The following MCFD2 variants were observed in gnomAD, a reference collection of about 807,000 sequenced individuals.
The protein encoded by MCFD2 is multiple coagulation factor deficiency protein 2.
Under a neutral mutation model 12.8 loss-of-function variants are expected in MCFD2, and 11 were observed. The observed-to-expected ratio is 0.86, with a 90% confidence interval of 0.54 to 1.42. The LOEUF is 1.42. MCFD2 is among the 40% of genes most tolerant of loss of function. The pLI is 0.00. For missense variants in MCFD2, 191 were observed against 178.6 expected (o/e 1.07, Z -0.40); for synonymous variants, 70 against 68.1 (o/e 1.03, Z -0.14).
At chr2:46,924,534 A>G (rs72886664) in intron 1 of MCFD2, among the ~76,000 whole-genome samples, 4,195 of 152,312 alleles carry the variant, frequency 0.028, 112 homozygotes, top group African/African-American at 0.067. Context: ...AGTGTTTTGA[A>G]TAGAATATGA....
chr2:46,911,937 A>G (rs947408143), intron 1 of MCFD2, among the ~76,000 whole-genome samples: 5 of 152,280 alleles, frequency 3.3e-5, no homozygotes, highest in African/African-American at 1.2e-4. Context: ...TTTTGTCCCA[A>G]TACTATATGG....
Position 46,941,485 on chromosome 2 carries a change from C to G in MCFD2, c.-8+87G>C, listed in dbSNP as rs1406145118. ...CGAGTGCGCCCCAGCCAGGACGCCG[C>G]CCCCGGCCGGGTCTCCACTTCTTGG... On this transcript the variant is annotated intron_variant, in intron 1 of 2. Coordinates refer to the MCFD2 transcript ENST00000409147. This position sits in a 1 kb window ranked among gnomAD's most constrained non-coding sequence, Gnocchi z 4.2. 6.6e-7 allele frequency: 1 copy of G among 1,521,090 alleles called. No homozygotes were observed. The highest frequency in any genetic ancestry group is 8.8e-7 in the Non-Finnish European group (1 of 1,132,412). 94.2% of individuals were successfully genotyped at this position (1,521,090 alleles called of 1,614,324 possible). A position where few individuals can be genotyped will look rare whatever the true frequency, so the allele number is the denominator to read the frequency against.
chr2:46,933,969 T>C (rs62140552), intron 1 of MCFD2, among the ~76,000 whole-genome samples: 165 of 152,286 alleles, frequency 1.1e-3, no homozygotes, highest in Non-Finnish European at 1.8e-3. Context: ...GGCTTGGTGC[T>C]CTACTTCTGA....
rs375829982 is a variant in MCFD2, at chr2:46,937,699, A to G, written c.-8+3873T>C. Reference sequence around the variant, plus strand: ...GTGATTCTCCCACCTCCTTCTCCCAAAGTGTTAGGATTATAGGCACGAGCT... The same window carrying G: ...GTGATTCTCCCACCTCCTTCTCCCAGAGTGTTAGGATTATAGGCACGAGCT... On this transcript the variant is annotated intron_variant, in intron 1 of 2. Transcript: ENST00000409147. This position sits in a 1 kb window ranked among gnomAD's most constrained non-coding sequence, Gnocchi z 4.0. Among the ~76,000 whole-genome samples the G allele has an allele frequency of 3.3e-5, 5 of 152,242 alleles. No individual in the cohort carries two copies. The highest frequency in any genetic ancestry group is 2.4e-5 in the African/African-American group (1 of 41,534).
Position 46,912,891 on chromosome 2 carries a change from A to G in MCFD2, c.-7+2832T>C, listed in dbSNP as rs139157870. Among the ~76,000 whole-genome samples the G allele has an allele frequency of 3.3e-3, 504 of 152,250 alleles. 4 individuals are homozygous for G. The highest frequency in any genetic ancestry group is 0.011 in the African/African-American group (476 of 41,540). On this transcript the variant is annotated intron_variant, in intron 1 of 3. Transcript: ENST00000319466. ...TACCACCTTTGCAGATATGCTGCCA[A>G]TTTTTAATGTCACTGTAACTGAAGA... is the stretch of plus-strand genomic sequence containing the variant.
Position 46,926,421 on chromosome 2 carries a change from C to T in MCFD2, c.-8+15151G>A, listed in dbSNP as rs544983367. 1.8e-4 allele frequency among the ~76,000 whole-genome samples: 27 copies of T among 152,190 alleles called. No individual in the cohort carries two copies. The South Asian group carries it at 5.2e-3, about 29-fold the overall frequency. ...GGTAAATGCTTGTTAGAGCCCAGGT[C>T]GCCATGGGAGCACACAGTGGGGGCA... is the stretch of plus-strand genomic sequence containing the variant. On this transcript the variant is annotated intron_variant, in intron 1 of 2. Coordinates refer to the MCFD2 transcript ENST00000409147.
At position 46,937,926 on chromosome 2, in the gene MCFD2, A is replaced by G. The variant is rs933268103; in HGVS notation, c.-8+3646T>C. 6.6e-6 allele frequency among the ~76,000 whole-genome samples: 1 copy of G among 152,166 alleles called. No homozygotes were observed. Among genetic ancestry groups the G allele is most frequent in the African/African-American group, 2.4e-5 (1 of 41,424 alleles). ...CATGGACTGAAGAAAACTACTGTGT[A>G]TATATATGTAAAAGAGAGAAGTCTG... On this transcript the variant is annotated intron_variant, in intron 1 of 2. Coordinates refer to the MCFD2 transcript ENST00000409147. This position sits in a 1 kb window ranked among gnomAD's most constrained non-coding sequence, Gnocchi z 4.0.
At chr2:46,917,172 CT>C, upstream of MCFD2, 1 of 696,520 alleles carries the variant, frequency 1.4e-6, no homozygotes, top group Middle Eastern at 2.7e-4. Context: ...ATTTTTTTTT[CT>C]TTTTTTAAAG....
rs891834531 is a variant in MCFD2 at position 46,908,658 on chromosome 2, A to T, written c.149+365T>A. 1 of 336,610 alleles carries T rather than the reference A, an allele frequency of 3.0e-6. No homozygotes were observed. The highest frequency in any genetic ancestry group is 5.7e-6 in the Non-Finnish European group (1 of 175,704). 20.9% of individuals were successfully genotyped at this position (336,610 alleles called of 1,614,324 possible). On this transcript the variant is annotated intron_variant, in intron 2 of 3. Transcript: ENST00000319466. This position sits in a 1 kb window ranked among gnomAD's most constrained non-coding sequence, Gnocchi z 4.5. ...ATTCAATGTTTGAATGTGTTGATTTAAAAAAGGTCTTGTTATAGTCAAGAA... is the reference window on the plus strand; with the variant it reads ...ATTCAATGTTTGAATGTGTTGATTTTAAAAAGGTCTTGTTATAGTCAAGAA...
intron 1 of MCFD2, among the ~76,000 whole-genome samples, chr2:46,928,374 G>C (rs1669510288): frequency 6.8e-6 from 1 of 147,530 alleles, no homozygotes; most frequent in Non-Finnish European, 1.5e-5. Flanking sequence ...AGTATCACAA[G>C]ACTGAAATCA....
At chr2:46,925,475 T>C (rs1418175446) in intron 1 of MCFD2, among the ~76,000 whole-genome samples, 1 of 152,108 alleles carries the variant, frequency 6.6e-6, no homozygotes, top group Non-Finnish European at 1.5e-5. Context: ...GGAGAATCTA[T>C]TGAACCTGGG....
intron 1 of MCFD2, among the ~76,000 whole-genome samples, chr2:46,924,594 A>C (rs1409222615): frequency 6.6e-6 from 1 of 152,214 alleles, no homozygotes; most frequent in Non-Finnish European, 1.5e-5. Flanking sequence ...TGTGATATTC[A>C]TAAGAGTACC....
chr2:46,917,192 C>T, upstream of MCFD2: 1 of 701,564 alleles, frequency 1.4e-6, no homozygotes, highest in South Asian at 1.5e-5. Flanking sequence ...AGAAAAGAGT[C>T]TCCATGGTGC....
At position 46,908,840 on chromosome 2, in the gene MCFD2, T is replaced by A; in HGVS notation, c.149+183A>T. ...GGGCCTAAAGATCTTCCACCTGTGATACAATGATGAAAAAAGAATACCTGA... is the reference window on the plus strand; with the variant it reads ...GGGCCTAAAGATCTTCCACCTGTGAAACAATGATGAAAAAAGAATACCTGA... On this transcript the variant is annotated intron_variant, in intron 2 of 3. Coordinates refer to ENST00000319466, the MANE Select transcript of MCFD2 (RefSeq NM_139279.6). The surrounding 1 kb of genome is among the most constrained non-coding windows in gnomAD (Gnocchi z 4.5). The A allele has an allele frequency of 1.3e-6, 1 of 774,260 alleles. No homozygotes were observed. The highest frequency in any genetic ancestry group is 2.1e-6 in the Non-Finnish European group (1 of 473,616). 48.0% of individuals were successfully genotyped at this position (774,260 alleles called of 1,614,324 possible).
intron 1 of MCFD2, among the ~76,000 whole-genome samples, chr2:46,928,938 G>A (rs1226976802): frequency 6.6e-5 from 10 of 152,080 alleles, no homozygotes. Context: ...TGAGGTGGGT[G>A]GATTACTTGA....
At chr2:46,905,695 TAAAAAAAA>T (rs59068176) in intron 3 of MCFD2, 101 bp from the exon 4 acceptor site, 20 of 509,006 alleles carry the variant, frequency 3.9e-5, no homozygotes, top group African/African-American at 2.8e-4. Context: ...CACTGTTTAT[TAAAAAAAA>T]AAAAAAAAAA....
chr2:46,941,841 G>C lies in MCFD2; in HGVS notation c.-277C>G, dbSNP rs1670432243. 1 of 1,368,354 alleles carries C rather than the reference G, an allele frequency of 7.3e-7. No individual in the cohort carries two copies. The highest frequency in any genetic ancestry group is 1.0e-6 in the Non-Finnish European group (1 of 997,700). The allele number at this position is 1,368,354 out of a possible 1,614,324, so 84.8% of individuals were successfully genotyped here. On this transcript the variant is annotated 5_prime_UTR_variant, in exon 1 of 3. Coordinates refer to the MCFD2 transcript ENST00000409147. This position sits in a 1 kb window ranked among gnomAD's most constrained non-coding sequence, Gnocchi z 4.2. ...CAGCGGGCGCCTGCCAGCCCACCGT[G>C]CTAGTCTTAAGAGCAGCCAGGGCAG...
At position 46,941,805 on chromosome 2, in the gene MCFD2, T is replaced by C. The variant is rs1670424727; in HGVS notation, c.-241A>G. 2.0e-6 allele frequency: 3 copies of C among 1,519,134 alleles called. No homozygotes were observed. The Admixed American group carries it at 6.1e-5, about 31-fold the overall frequency. The allele number at this position is 1,519,134 out of a possible 1,614,324, so 94.1% of individuals were successfully genotyped here. On this transcript the variant is annotated 5_prime_UTR_variant, in exon 1 of 3. Transcript: ENST00000409147. This position sits in a 1 kb window ranked among gnomAD's most constrained non-coding sequence, Gnocchi z 4.2. ...TCCTCCAGGAAGCGCGCCCAGACAGTCCTCGGCCGACAGCGGGCGCCTGCC... is the reference window on the plus strand; with the variant it reads ...TCCTCCAGGAAGCGCGCCCAGACAGCCCTCGGCCGACAGCGGGCGCCTGCC...
upstream of MCFD2, among the ~76,000 whole-genome samples, chr2:46,920,634 G>C (rs1241066196): frequency 6.9e-6 from 1 of 145,582 alleles, no homozygotes; most frequent in Non-Finnish European, 1.5e-5. Flanking sequence ...CCTGGCCTTA[G>C]TCTTAGGCTT....
Sources: allele counts gnomAD v4.1 joint callset (sites outside exome capture counted in the v4.1 genomes callset), GRCh38; gene constraint gnomAD v4.1.1; non-coding constraint Gnocchi (gnomAD v3.1); transcripts MANE v1.5; gene names NCBI Gene and HGNC (gene_info 2026-07-23, HGNC 2026-07-21).